The following TRRAP variants were observed in gnomAD, a reference collection of about 807,000 sequenced individuals.
TRRAP encodes transformation/transcription domain associated protein, also known as transformation/transcription domain-associated protein.
Under a neutral mutation model 438.8 loss-of-function variants are expected in TRRAP, and 41 were observed. That is an observed-to-expected ratio of 0.09 (90% CI 0.07 to 0.12). The LOEUF is 0.12. Among genes scored for constraint, TRRAP ranks in the 10% least tolerant of loss-of-function variants. The pLI, the probability that TRRAP is intolerant of heterozygous loss-of-function variation, is 1.00. For synonymous variants in TRRAP, 1,994 were observed against 1,962.9 expected (o/e 1.02, Z -0.42); for missense variants, 3,122 against 5,055.1 (o/e 0.62, Z 11.60).
chr7:98,966,771 T>G (rs925222473), intron 49 of TRRAP, among the ~76,000 whole-genome samples: 1 of 152,214 alleles, frequency 6.6e-6, no homozygotes, highest in African/African-American at 2.4e-5. Context: ...GTAAAAGTAA[T>G]AATAGAGACT....
At chr7:98,927,497 T>G (rs1790106628) in intron 23 of TRRAP, 131 bp downstream of exon 23, 2 of 1,205,946 alleles carry the variant, frequency 1.7e-6, no homozygotes, top group Non-Finnish European at 2.3e-6. Flanking sequence ...GCTTTTATTT[T>G]CCAATTTTCC....
In TRRAP at chr7:99,004,427, A is replaced by T. The variant is rs770442435; in HGVS notation, c.10535+12A>T. 2.5e-6 allele frequency: 4 copies of T among 1,609,194 alleles called. No individual in the cohort carries two copies. The highest frequency in any genetic ancestry group is 2.6e-6 in the Non-Finnish European group (3 of 1,176,456). Reference sequence around the variant, plus strand: ...ATCAAGATTGCACGGTGAGTGGGCCAGCCTGGCAGGTGGAACTAACCCACG... The same window carrying T: ...ATCAAGATTGCACGGTGAGTGGGCCTGCCTGGCAGGTGGAACTAACCCACG... On this transcript the variant is annotated intron_variant, in intron 68 of 72. Transcript: ENST00000456197.
intron 21 of TRRAP, among the ~76,000 whole-genome samples, chr7:98,923,548 A>G (rs1461943106): frequency 6.6e-6 from 1 of 152,260 alleles, no homozygotes; most frequent in Non-Finnish European, 1.5e-5. Context: ...TTGGCAGGTA[A>G]TTGGCTCATA....
chr7:98,951,730 G>T (rs1791346925), intron 39 of TRRAP, among the ~76,000 whole-genome samples: 1 of 152,156 alleles, frequency 6.6e-6, no homozygotes, highest in African/African-American at 2.4e-5. Flanking sequence ...GTTTCCATTG[G>T]CAGATTCTTG....
At chr7:98,896,831 C>T (rs1453595284) in intron 7 of TRRAP, among the ~76,000 whole-genome samples, 4 of 152,194 alleles carry the variant, frequency 2.6e-5, no homozygotes, top group Admixed American at 2.6e-4. Flanking sequence ...GCCACCTGCC[C>T]TCCTGTCAAA....
Position 98,915,719 on chromosome 7 carries a change from G to A in TRRAP, c.2200-4G>A, listed in dbSNP as rs370458834. 3.2e-5 allele frequency: 52 copies of A among 1,612,428 alleles called. No homozygotes were observed. Among genetic ancestry groups the A allele is most frequent in the African/African-American group, 5.3e-5 (4 of 74,826 alleles). ...CACTAATCTGCGTCTTCTCCACCCC[G>A]CAGCCTCACTTGCACAAGATTGTGA... On this transcript the variant is annotated splice_polypyrimidine_tract_variant and splice_region_variant and intron_variant, in intron 18 of 72. Transcript: ENST00000456197.
rs375248143 is a variant in TRRAP at position 98,962,355 on chromosome 7, G to A, written c.6757G>A (p.Val2253Ile). The A allele has an allele frequency of 4.3e-6, 7 of 1,614,148 alleles. No homozygotes were observed. The highest frequency in any genetic ancestry group is 2.2e-5 in the East Asian group (1 of 44,866). Residue 2253 changes from valine (V) to isoleucine (I), a missense_variant, in exon 47 of 73, where the codon GTC becomes ATC. Transcript: ENST00000456197. ...YEELECLYAA[V>I]GKVIYEGLTN... The stretch of plus-strand genomic sequence containing the variant: ...AGAGCTGGAGTGCCTCTACGCAGCC[G>A]TCGGAAAGGTCATCTATGAAGGGCT...
At chr7:98,974,392 C>T (rs1412262808) in intron 53 of TRRAP, among the ~76,000 whole-genome samples, 1 of 152,202 alleles carries the variant, frequency 6.6e-6, no homozygotes, top group African/African-American at 2.4e-5. Flanking sequence ...GGTCCTCACC[C>T]CAGGCACACA....
chr7:98,992,881 C>T (rs1006928798), intron 65 of TRRAP, among the ~76,000 whole-genome samples: 2 of 152,102 alleles, frequency 1.3e-5, no homozygotes, highest in Admixed American at 6.5e-5. Flanking sequence ...CATTTCAGCT[C>T]TAACCTCTGG....
chr7:98,911,470 G>C (rs550985362), intron 17 of TRRAP, among the ~76,000 whole-genome samples, 199 bp downstream of exon 17: 1 of 152,088 alleles, frequency 6.6e-6, no homozygotes, highest in African/African-American at 2.4e-5. Flanking sequence ...AGTTCCTTTC[G>C]TTAGTAGAAA....
chr7:98,915,125 T>C (rs1789463387), intron 18 of TRRAP, among the ~76,000 whole-genome samples: 1 of 152,190 alleles, frequency 6.6e-6, no homozygotes, highest in Admixed American at 6.5e-5. Context: ...TAGTCTTCAA[T>C]GTCTTTTGAG....
In TRRAP at chr7:98,948,009, G is replaced by A. The variant is rs138779000; in HGVS notation, c.4549-212G>A. On this transcript the variant is annotated intron_variant, in intron 33 of 72. Coordinates refer to ENST00000456197, the MANE Select transcript of TRRAP (RefSeq NM_001375524.1). This position sits in a 1 kb window ranked among gnomAD's most constrained non-coding sequence, Gnocchi z 4.9. ...CCCCTCCACACCCCTACAATGGACA[G>A]GAATGCTGAAGGCCACGGGCAGTCA... Among the ~76,000 whole-genome samples, 8 of 152,288 alleles carry A rather than the reference G, an allele frequency of 5.3e-5. No homozygotes were observed. The highest frequency in any genetic ancestry group is 3.9e-4 in the Admixed American group (6 of 15,298).
At chr7:98,934,628 C>T (rs1225066803) in intron 27 of TRRAP, among the ~76,000 whole-genome samples, 5 of 152,168 alleles carry the variant, frequency 3.3e-5, no homozygotes, top group African/African-American at 1.2e-4. Flanking sequence ...AGCATGGACT[C>T]GAGTCCTTTC....
At chr7:98,885,680 A>T (rs914386789) in intron 3 of TRRAP, among the ~76,000 whole-genome samples, 2 of 151,966 alleles carry the variant, frequency 1.3e-5, no homozygotes, top group African/African-American at 4.8e-5. Context: ...ATATATATAT[A>T]TATATGAAGA....
In TRRAP at chr7:98,983,319, A is replaced by G; in HGVS notation, c.8882A>G (p.Gln2961Arg). 1 of 1,614,186 alleles carries G rather than the reference A, an allele frequency of 6.2e-7. No individual in the cohort carries two copies. The highest frequency in any genetic ancestry group is 2.2e-5 in the East Asian group (1 of 44,878). Residue 2961 changes from glutamine to arginine, a missense_variant, in exon 60 of 73, where the codon CAG becomes CGG. Gln to Arg is a conservative substitution (Grantham distance 43). Coordinates refer to ENST00000456197, the MANE Select transcript of TRRAP (RefSeq NM_001375524.1). ...GCTGCACAAATCAACGCAGGCTTACAGCCAACCAACCTGGGAAGGAACAAC... is the reference window on the plus strand; with the variant it reads ...GCTGCACAAATCAACGCAGGCTTACGGCCAACCAACCTGGGAAGGAACAAC... ...QEAAQINAGL[Q>R]PTNLGRNNSL...
chr7:98,896,348 C>A (rs1554405722), intron 7 of TRRAP, among the ~76,000 whole-genome samples: 1 of 152,058 alleles, frequency 6.6e-6, no homozygotes, highest in Non-Finnish European at 1.5e-5. Flanking sequence ...GAAGTAAACA[C>A]TCTTGCCAGT....
chr7:98,899,326 C>T (rs1168617743), intron 8 of TRRAP, 96 bp from the exon 9 acceptor site: 2 of 974,082 alleles, frequency 2.1e-6, no homozygotes, highest in African/African-American at 3.2e-5. Context: ...GTTTTCCGTT[C>T]TCTCTCTTTC....
intron 39 of TRRAP, among the ~76,000 whole-genome samples, chr7:98,951,437 A>G (rs2116618105): frequency 6.6e-6 from 1 of 152,316 alleles, no homozygotes; most frequent in South Asian, 2.1e-4. Context: ...TTTCCAGTGA[A>G]TGAAACCCTG....
rs1440706567 is a variant in TRRAP at position 98,881,241 on chromosome 7, G to A, written c.91G>A (p.Val31Met). ...TCAGTTTGTGGCAGCTCTCACAGATGTGAATACACGTGAGTTGATCCTTTT... is the reference window on the plus strand; with the variant it reads ...TCAGTTTGTGGCAGCTCTCACAGATATGAATACACGTGAGTTGATCCTTTT... The part of the protein sequence containing the change: ...YLQFVAALTD[V>M]NTPDETKLKM... Residue 31 changes from valine to methionine, a missense_variant, in exon 2 of 73, where the codon GTG (valine) becomes ATG (methionine). Val to Met is a conservative substitution (Grantham distance 21, BLOSUM62 1). This residue lies in a region of TRRAP where 343 missense variants were observed against 564.0 expected (regional missense o/e 0.61). Coordinates refer to ENST00000456197, the MANE Select transcript of TRRAP (RefSeq NM_001375524.1). 6.2e-7 allele frequency: 1 copy of A among 1,606,650 alleles called. No homozygotes were observed. The highest frequency in any genetic ancestry group is 2.2e-5 in the East Asian group (1 of 44,452).
Sources: allele counts gnomAD v4.1 joint callset (sites outside exome capture counted in the v4.1 genomes callset), GRCh38; gene constraint gnomAD v4.1.1; regional missense constraint gnomAD v4.1.1; non-coding constraint Gnocchi (gnomAD v3.1); transcripts MANE v1.5; gene names NCBI Gene and HGNC (gene_info 2026-07-23, HGNC 2026-07-21).